The following TFEC variants were observed in gnomAD, a reference collection of about 807,000 sequenced individuals.
TFEC encodes transcription factor EC.
In TFEC, 31 loss-of-function variants were observed where a neutral mutation model predicts 41.6. The observed-to-expected ratio is 0.74, with a 90% CI of 0.56 to 1.01. TFEC has a LOEUF of 1.01. TFEC is among the 50% of genes least tolerant of loss of function. The pLI, the probability that TFEC is intolerant of heterozygous loss-of-function variation, is 0.00. For synonymous variants in TFEC, 143 were observed against 140.6 expected, an observed-to-expected ratio of 1.02 and a Z score of -0.12; for missense variants, 402 against 404.1, an observed-to-expected ratio of 0.99 and a Z score of 0.04.
intron 7 of TFEC, 31 bp downstream of exon 7, chr7:115,941,862 A>G: frequency 6.2e-7 from 1 of 1,611,320 alleles, no homozygotes. Context: ...TGTGTAAGCT[A>G]TGTGACTCAT....
chr7:116,098,248 C>T (rs1219511071), intron 3 of TFEC, among the ~76,000 whole-genome samples: 1 of 151,990 alleles, frequency 6.6e-6, no homozygotes, highest in African/African-American at 2.4e-5. Context: ...CAACCTCCCT[C>T]TCCCGGGTGC....
intron 1 of TFEC, among the ~76,000 whole-genome samples, chr7:116,014,896 A>G (rs1391925036): frequency 6.6e-6 from 1 of 152,104 alleles, no homozygotes; most frequent in Non-Finnish European, 1.5e-5. Context: ...AAACGCAGGC[A>G]AGCACATATT....
intron 1 of TFEC, among the ~76,000 whole-genome samples, chr7:116,132,490 TTAA>T (rs1798352589): frequency 2.0e-5 from 3 of 152,290 alleles, no homozygotes; most frequent in Admixed American, 1.3e-4. Context: ...TCTAATAAAG[TTAA>T]TAATTTTTAC....
At chr7:116,058,166 TA>T (rs1016967007) in intron 3 of TFEC, among the ~76,000 whole-genome samples, 1 of 151,696 alleles carries the variant, frequency 6.6e-6, no homozygotes, top group African/African-American at 2.4e-5. Context: ...AAGTAACAAA[TA>T]GGTTAAAACT....
intron 6 of TFEC, 112 bp downstream of exon 6, chr7:115,950,762 C>T (rs1288097327): frequency 1.4e-6 from 1 of 704,322 alleles, no homozygotes; most frequent in East Asian, 2.9e-5. Context: ...CTTATTTTTG[C>T]TATAAGCTGC....
chr7:116,136,961 G>T (rs1452253600), intron 1 of TFEC, among the ~76,000 whole-genome samples: 2 of 151,898 alleles, frequency 1.3e-5, no homozygotes, highest in Admixed American at 1.3e-4. Flanking sequence ...AATTTTCAAT[G>T]GCAAACTGGA....
At chr7:116,109,462 C>T (rs1461362780) in intron 3 of TFEC, among the ~76,000 whole-genome samples, 9 of 152,172 alleles carry the variant, frequency 5.9e-5, no homozygotes, top group Non-Finnish European at 1.3e-4. Flanking sequence ...AGTCAACAGA[C>T]ACATCAAAAA....
chr7:116,032,153 T>C (rs1364715674), upstream of TFEC, among the ~76,000 whole-genome samples: 1 of 152,160 alleles, frequency 6.6e-6, no homozygotes, highest in Non-Finnish European at 1.5e-5. Flanking sequence ...CATAGATACA[T>C]ATTCACACCT....
At chr7:116,127,245 G>T (rs1456503292) in intron 1 of TFEC, among the ~76,000 whole-genome samples, 1 of 151,834 alleles carries the variant, frequency 6.6e-6, no homozygotes, top group Admixed American at 6.6e-5. Context: ...ACAGGCACCC[G>T]CCACCACGCC....
chr7:116,091,948 C>T (rs1312113298), intron 3 of TFEC, among the ~76,000 whole-genome samples: 2 of 152,076 alleles, frequency 1.3e-5, no homozygotes, highest in African/African-American at 2.4e-5. Flanking sequence ...CTGAATCTCT[C>T]AAACAAAATA....
intron 1 of TFEC, among the ~76,000 whole-genome samples, chr7:116,006,664 G>C (rs1033552265): frequency 6.6e-6 from 1 of 152,194 alleles, no homozygotes; most frequent in Admixed American, 6.5e-5. Context: ...GCTGAAATGG[G>C]TTAAGACTTT....
intron 1 of TFEC, among the ~76,000 whole-genome samples, chr7:116,125,311 T>A (rs1798187238): frequency 6.6e-6 from 1 of 152,158 alleles, no homozygotes; most frequent in South Asian, 2.1e-4. Context: ...CAAGGATGGG[T>A]GTGAGAACTT....
intron 1 of TFEC, among the ~76,000 whole-genome samples, chr7:116,023,032 C>A (rs935562987): frequency 6.6e-6 from 1 of 150,872 alleles, no homozygotes; most frequent in African/African-American, 2.4e-5. Context: ...ATTAAGAGCC[C>A]GTAATATAAC....
At chr7:115,949,924 T>C (rs1450936379) in intron 6 of TFEC, among the ~76,000 whole-genome samples, 1 of 151,864 alleles carries the variant, frequency 6.6e-6, no homozygotes, top group Non-Finnish European at 1.5e-5. Context: ...ACCTACAAAA[T>C]GGGAGAAAAT....
chr7:116,137,846 C>T lies in TFEC; in HGVS notation c.-69+21944G>A, dbSNP rs548139245. Reference sequence around the variant, plus strand: ...AACTTAAATGATACTTGTGAAAACCCTCTGTACAGTATAAAATAGTTTAGA... The same window carrying T: ...AACTTAAATGATACTTGTGAAAACCTTCTGTACAGTATAAAATAGTTTAGA... On this transcript the variant is annotated intron_variant, in intron 1 of 8. Coordinates refer to the TFEC transcript ENST00000484212. Among the ~76,000 whole-genome samples the T allele has an allele frequency of 2.7e-3, 413 of 151,600 alleles. 2 individuals carry two copies. The highest frequency in any genetic ancestry group is 9.7e-3 in the African/African-American group (399 of 41,334).
At chr7:115,997,787 G>A (rs898146239) in intron 1 of TFEC, among the ~76,000 whole-genome samples, 1 of 152,020 alleles carries the variant, frequency 6.6e-6, no homozygotes, top group African/African-American at 2.4e-5. Context: ...AATTCTGGAG[G>A]TTAAAAGTTC....
intron 1 of TFEC, among the ~76,000 whole-genome samples, chr7:116,002,591 T>C (rs1794640194): frequency 6.6e-6 from 1 of 152,184 alleles, no homozygotes; most frequent in South Asian, 2.1e-4. Flanking sequence ...ATATAATGAA[T>C]AAGATCTAGT....
At chr7:116,147,313 A>C (rs769045993) in intron 1 of TFEC, among the ~76,000 whole-genome samples, 1 of 152,240 alleles carries the variant, frequency 6.6e-6, no homozygotes, top group Non-Finnish European at 1.5e-5. Context: ...AAAGTGCAGA[A>C]TATCAAAGAC....
At chr7:116,048,169 T>C (rs940901124) in intron 3 of TFEC, among the ~76,000 whole-genome samples, 6 of 152,136 alleles carry the variant, frequency 3.9e-5, no homozygotes, top group African/African-American at 1.4e-4. Flanking sequence ...CAATTGGTAA[T>C]AATAAACTTC....
Sources: allele counts gnomAD v4.1 joint callset (sites outside exome capture counted in the v4.1 genomes callset), GRCh38; gene constraint gnomAD v4.1.1; transcripts MANE v1.5; gene names NCBI Gene and HGNC (gene_info 2026-07-23, HGNC 2026-07-21).